The following WEE1 variants were observed in gnomAD, a reference collection of about 807,000 sequenced individuals.
WEE1 encodes the protein WEE1 G2 checkpoint kinase.
A neutral mutation model predicts 68.8 loss-of-function variants in WEE1; 16 were observed. The ratio of observed to expected loss-of-function variants is 0.23; its 90% CI spans 0.16 to 0.35. The LOEUF (loss-of-function observed/expected upper bound fraction) is 0.35, where lower values mean the gene tolerates loss of function less well. WEE1 is among the 10% of genes least tolerant of loss of function. The probability of loss-of-function intolerance (pLI) is 1.00; values close to 1 mark genes in which losing one functional copy is unlikely to be tolerated. For missense variants in WEE1, 651 were observed against 824.1 expected, an observed-to-expected ratio of 0.79 and a Z score of 2.57; for synonymous variants, 349 against 318.7, an observed-to-expected ratio of 1.09 and a Z score of -1.01.
Position 9,575,944 on chromosome 11 carries a change from T to C in WEE1, c.633T>C (p.Ser211=), listed in dbSNP as rs780943638. The change falls in exon 2 of 11, where the codon AGT becomes AGC. Residue 211 remains serine (S), a synonymous_variant. Transcript: ENST00000450114. The stretch of plus-strand genomic sequence containing the variant: ...CCAGCTCTGTTAAACTCCGGGGTAG[T>C]TCTCTCTTCATGGATACAGAAAAAT... ...IDSSSVKLRG[S]SLFMDTEKSG... is the part of the protein sequence containing the mutation. 3.7e-6 allele frequency: 6 copies of C among 1,614,192 alleles called. No individual in the cohort carries two copies. The highest frequency in any genetic ancestry group is 5.1e-6 in the Non-Finnish European group (6 of 1,180,032).
intron 1 of WEE1, chr11:9,575,123 G>T: frequency 1.0e-6 from 1 of 985,516 alleles, no homozygotes; most frequent in African/African-American, 1.7e-5. Context: ...TTCTGGACAA[G>T]GTCTTGGCCC....
chr11:9,574,741 G>A lies in WEE1; in HGVS notation c.576+232G>A. ...ACTTCATCTTACAAAGGGGCCGATC[G>A]GCCCGTCCGGGTGGCCAAGGATTTG... On this transcript the variant is annotated intron_variant, in intron 1 of 10. Transcript: ENST00000450114. The surrounding 1 kb of genome is among the most constrained non-coding windows in gnomAD (Gnocchi z 4.9). 1 of 1,035,170 alleles carries A rather than the reference G, an allele frequency of 9.7e-7. No individual in the cohort carries two copies. 64.1% of individuals were successfully genotyped at this position (1,035,170 alleles called of 1,614,324 possible). A position where few individuals can be genotyped will look rare whatever the true frequency, so the allele number is the denominator to read the frequency against.
At chr11:9,583,320 GA>G (rs1327764629) in intron 6 of WEE1, among the ~76,000 whole-genome samples, 16 of 141,620 alleles carry the variant, frequency 1.1e-4, no homozygotes, top group Non-Finnish European at 1.5e-4. Context: ...CTCAAAAAAA[GA>G]AAAAAAAAAT....
chr11:9,578,725 C>G (rs1479974331), intron 5 of WEE1: 1 of 152,030 alleles, frequency 6.6e-6, no homozygotes, highest in African/African-American at 2.4e-5. Flanking sequence ...ATGTAGCAAC[C>G]TACCAATACA....
intron 1 of WEE1, 138 bp from the exon 2 acceptor site, chr11:9,575,750 C>T (rs781682950): frequency 4.3e-6 from 3 of 695,828 alleles, no homozygotes; most frequent in African/African-American, 3.6e-5. Flanking sequence ...ATTTATTTTG[C>T]TTGAACTCTA....
At chr11:9,586,940 G>C in intron 10 of WEE1, 84 bp downstream of exon 10, 1 of 1,426,946 alleles carries the variant, frequency 7.0e-7, no homozygotes, top group East Asian at 2.4e-5. Context: ...TAAGCTTTCT[G>C]TCAACAAAGG....
chr11:9,573,755 G>T lies in WEE1; in HGVS notation c.-179G>T, dbSNP rs1036532805. 2.1e-4 allele frequency: 66 copies of T among 313,602 alleles called. No homozygotes were observed. Among genetic ancestry groups the T allele is most frequent in the African/African-American group, 1.4e-3 (63 of 44,666 alleles). The allele number at this position is 313,602 out of a possible 1,614,324, so 19.4% of individuals were successfully genotyped here. ...CCTCTGCCGGAAAGTCCGCGCCGCC[G>T]CTGCCGCCACCGTCCGCAGCCCGAG... On this transcript the variant is annotated 5_prime_UTR_variant, in exon 1 of 11. Transcript: ENST00000450114.
At chr11:9,578,885 T>G (rs1212094846) in intron 5 of WEE1, 2 of 116,396 alleles carry the variant, frequency 1.7e-5, no homozygotes, top group Non-Finnish European at 3.5e-5. Flanking sequence ...AAGTTTTTAT[T>G]TATTTATTTA....
At chr11:9,581,944 A>G (rs1243910651) in intron 6 of WEE1, among the ~76,000 whole-genome samples, 4 of 152,226 alleles carry the variant, frequency 2.6e-5, no homozygotes, top group Non-Finnish European at 5.9e-5. Context: ...GCTCACTGCA[A>G]CTTCCCCATC....
chr11:9,575,789 C>A, intron 1 of WEE1, 99 bp from the exon 2 acceptor site: 1 of 960,822 alleles, frequency 1.0e-6, no homozygotes, highest in Non-Finnish European at 1.6e-6. Flanking sequence ...CTTTCACCTA[C>A]GCATTCAGCC....
At position 9,575,825 on chromosome 11, in the gene WEE1, G is replaced by C. The variant is rs1849559328; in HGVS notation, c.577-63G>C. ...CTATGAAAGGCTCGTTGAAGGTTAGGTTGAGAAGGCTGACTATAGGACTTG... is the reference window on the plus strand; with the variant it reads ...CTATGAAAGGCTCGTTGAAGGTTAGCTTGAGAAGGCTGACTATAGGACTTG... On this transcript the variant is annotated intron_variant, in intron 1 of 10. Coordinates refer to ENST00000450114, the MANE Select transcript of WEE1 (RefSeq NM_003390.4). 7.4e-6 allele frequency: 11 copies of C among 1,480,110 alleles called. No homozygotes were observed. In the South Asian group the frequency reaches 9.3e-5, roughly 13 times the overall value. The allele number at this position is 1,480,110 out of a possible 1,614,324, so 91.7% of individuals were successfully genotyped here.
chr11:9,584,645 A>G (rs1045380955), intron 6 of WEE1, among the ~76,000 whole-genome samples: 4 of 152,214 alleles, frequency 2.6e-5, no homozygotes, highest in Non-Finnish European at 4.4e-5. Flanking sequence ...CACCAGCCTT[A>G]TAGCGCTACA....
chr11:9,583,800 CACATATATATATATATATATATATATAT>C (rs1849667278), intron 6 of WEE1, among the ~76,000 whole-genome samples: 14 of 18,168 alleles, frequency 7.7e-4, no homozygotes, highest in African/African-American at 2.3e-3. Flanking sequence ...CACACACACA[CACATATATATATATATATATATATATAT>C]ATATATATAT....
In WEE1 at chr11:9,576,916, C is replaced by T. The variant is rs1351607651; in HGVS notation, c.1020-226C>T. Among the ~76,000 whole-genome samples the T allele has an allele frequency of 6.6e-6, 1 of 152,182 alleles. No homozygotes were observed. The highest frequency in any genetic ancestry group is 1.9e-4 in the East Asian group (1 of 5,204). ...CACAGTAAAATGGAGTTTATTCTTA[C>T]CTGAGTCCTAGGGCAAGCAACATTT... On this transcript the variant is annotated intron_variant, in intron 4 of 10. Transcript: ENST00000450114. This position sits in a 1 kb window ranked among gnomAD's most constrained non-coding sequence, Gnocchi z 4.3.
rs759893864 is a variant in WEE1, at chr11:9,588,455, C to G, written c.1794C>G (p.Leu598=). Residue 598 remains leucine, a synonymous_variant, in exon 11 of 11, where the codon CTC becomes CTG. Coordinates refer to ENST00000450114, the MANE Select transcript of WEE1 (RefSeq NM_003390.4). ...KFKNSLLQKE[L]KKAQMAKAAA... ...TTTTCTATTTTTATGTCAGAGAACT[C>G]AAGAAAGCACAGATGGCAAAAGCTG... is the stretch of plus-strand genomic sequence containing the variant. The G allele has an allele frequency of 3.2e-6, 5 of 1,581,232 alleles. No individual in the cohort carries two copies. The highest frequency in any genetic ancestry group is 3.4e-6 in the Non-Finnish European group (4 of 1,170,880).
In WEE1 at chr11:9,581,653, T is replaced by C; in HGVS notation, c.1263T>C (p.Ser421=). The C allele has an allele frequency of 6.2e-7, 1 of 1,613,090 alleles. No individual in the cohort carries two copies. Among genetic ancestry groups the C allele is most frequent in the Non-Finnish European group, 8.5e-7 (1 of 1,179,758 alleles). Reference sequence around the variant, plus strand: ...GCTTGAGGTATATTCATTCAATGTCTTTGGTTCACATGGATATAAAACCTA... The same window carrying C: ...GCTTGAGGTATATTCATTCAATGTCCTTGGTTCACATGGATATAAAACCTA... ...GRGLRYIHSM[S]LVHMDIKPSN... The change falls in exon 6 of 11, where the codon TCT becomes TCC. Residue 421 remains serine (S), a synonymous_variant. Coordinates refer to ENST00000450114, the MANE Select transcript of WEE1 (RefSeq NM_003390.4).
chr11:9,585,644 T>C, intron 8 of WEE1, 117 bp downstream of exon 8: 1 of 869,406 alleles, frequency 1.2e-6, no homozygotes, highest in South Asian at 2.3e-5. Context: ...AAATAAAATC[T>C]AAACCGTCAT....
rs776787182 is a variant in WEE1, at chr11:9,576,206, A to G, written c.783-24A>G. The G allele has an allele frequency of 3.2e-6, 5 of 1,554,790 alleles. No individual in the cohort carries two copies. The highest frequency in any genetic ancestry group is 3.5e-6 in the Non-Finnish European group (4 of 1,143,654). Reference sequence around the variant, plus strand: ...ATGGATGTATCTGTCAGATATATTGATAGAAAAATAACATTTTTTTTAGTT... The same window carrying G: ...ATGGATGTATCTGTCAGATATATTGGTAGAAAAATAACATTTTTTTTAGTT... On this transcript the variant is annotated intron_variant, in intron 2 of 10. Transcript: ENST00000450114. The surrounding 1 kb of genome is among the most constrained non-coding windows in gnomAD (Gnocchi z 4.3).
chr11:9,576,314 AT>A lies in WEE1; in HGVS notation c.846+28del. On this transcript the variant is annotated intron_variant, in intron 3 of 10. Transcript: ENST00000450114. The surrounding 1 kb of genome is among the most constrained non-coding windows in gnomAD (Gnocchi z 4.3). ...CTAAGGTAAATAGCTTTTTATTTTT[AT>A]TTTTTTGAAATTTACTTTTCTGCCA... The A allele has an allele frequency of 2.0e-6, 3 of 1,525,344 alleles. No homozygotes were observed. Among genetic ancestry groups the A allele is most frequent in the Non-Finnish European group, 1.8e-6 (2 of 1,130,288 alleles). The allele number at this position is 1,525,344 out of a possible 1,614,324, so 94.5% of individuals were successfully genotyped here.
Sources: allele counts gnomAD v4.1 joint callset (sites outside exome capture counted in the v4.1 genomes callset), GRCh38; gene constraint gnomAD v4.1.1; non-coding constraint Gnocchi (gnomAD v3.1); transcripts MANE v1.5; gene names NCBI Gene and HGNC (gene_info 2026-07-23, HGNC 2026-07-21).